Variants in MYH7B observed in about 807,000 individuals in gnomAD.
MYH7B encodes myosin heavy chain 7B, also known as myosin-7B.
Under a neutral mutation model 234.5 loss-of-function variants are expected in MYH7B, and 205 were observed. The ratio of observed to expected loss-of-function variants is 0.87; its 90% CI spans 0.78 to 0.98. The LOEUF is 0.98. MYH7B is among the 50% of genes least tolerant of loss of function. The pLI, the probability that MYH7B is intolerant of heterozygous loss-of-function variation, is 0.00. For missense variants in MYH7B, 2,652 were observed against 2,633.4 expected, an observed-to-expected ratio of 1.01 and a Z score of -0.15; for synonymous variants, 1,193 against 1,105.0, an observed-to-expected ratio of 1.08 and a Z score of -1.58.
rs372691240 is a variant in MYH7B, at chr20:34,993,183, G to A, written c.2265G>A (p.Ser755=). 888 of 1,614,000 alleles carry A rather than the reference G, an allele frequency of 5.5e-4. 1 individual carries two copies. The highest frequency in any genetic ancestry group is 7.1e-4 in the Non-Finnish European group (836 of 1,180,012). Residue 755 remains serine, a synonymous_variant, in exon 25 of 45, where the codon TCG becomes TCA. Transcript: ENST00000262873. ...AGGCCACAGAGAAACTGCTGGGCTC[G>A]CTGGACTTGGATCACACCCAGTACC... is the stretch of plus-strand genomic sequence containing the variant.
At chr20:34,994,806 C>T (rs983679035) in intron 27 of MYH7B, among the ~76,000 whole-genome samples, 5 of 152,258 alleles carry the variant, frequency 3.3e-5, no homozygotes, top group African/African-American at 4.8e-5. Context: ...TTCCTGCCTT[C>T]GGCACATGGC....
At position 34,990,724 on chromosome 20, in the gene MYH7B, T is replaced by C; in HGVS notation, c.1978-14T>C. On this transcript the variant is annotated splice_polypyrimidine_tract_variant and intron_variant, in intron 22 of 44. Transcript: ENST00000262873. Reference sequence around the variant, plus strand: ...CCCCCTTTGTGCCTTTCCCTCACTCTTCCCCACTGCCAGGAGAACCTCAAC... The same window carrying C: ...CCCCCTTTGTGCCTTTCCCTCACTCCTCCCCACTGCCAGGAGAACCTCAAC... The C allele has an allele frequency of 6.2e-7, 1 of 1,613,840 alleles. No homozygotes were observed. Among genetic ancestry groups the C allele is most frequent in the South Asian group, 1.1e-5 (1 of 91,072 alleles).
chr20:34,975,982 C>A (rs1449606171), intron 3 of MYH7B, among the ~76,000 whole-genome samples: 1 of 152,246 alleles, frequency 6.6e-6, no homozygotes, highest in East Asian at 1.9e-4. Flanking sequence ...TCCCAAAGTG[C>A]TGGGATTACA....
At chr20:35,002,421 T>G in exon 45 of MYH7B, 1 of 421,304 alleles carries the variant, frequency 2.4e-6, no homozygotes, top group Non-Finnish European at 4.1e-6. Flanking sequence ...TAAAATAAAG[T>G]TATTTAATAG....
At chr20:34,978,429 C>T (rs1421802865) in intron 5 of MYH7B, among the ~76,000 whole-genome samples, 1 of 152,158 alleles carries the variant, frequency 6.6e-6, no homozygotes, top group African/African-American at 2.4e-5. Context: ...GCTGCCTCCG[C>T]GTGTCCACAA....
intron 10 of MYH7B, 37 bp downstream of exon 10, chr20:34,982,592 T>C: frequency 1.4e-6 from 2 of 1,472,562 alleles, no homozygotes; most frequent in South Asian, 1.3e-5. Flanking sequence ...CCCCGTTGCT[T>C]CTCGCTGTTT....
At chr20:34,995,365 G>A in exon 28 of MYH7B, 14 of 1,613,726 alleles carry the variant, frequency 8.7e-6, no homozygotes, top group Non-Finnish European at 1.2e-5. Context: ...ATGCCGAGGA[G>A]CGCTGCCACT....
At chr20:34,996,543 G>GA in intron 29 of MYH7B, 21 bp downstream of exon 29, 1 of 1,605,336 alleles carries the variant, frequency 6.2e-7, no homozygotes, top group Non-Finnish European at 8.5e-7. Flanking sequence ...GCCACCCCGA[G>GA]ACTGGGTGGC....
chr20:34,979,496 G>A, exon 6 of MYH7B: 1 of 1,611,540 alleles, frequency 6.2e-7, no homozygotes. Flanking sequence ...AAGACCAGAA[G>A]GTTCCGTTCC....
chr20:34,958,315 G>T (rs1264937750), intron 2 of MYH7B, among the ~76,000 whole-genome samples, 103 bp downstream of exon 2: 16 of 152,208 alleles, frequency 1.1e-4, no homozygotes, highest in Admixed American at 1.0e-3. Context: ...GGGAGTGAAG[G>T]ACTCTTGACT....
chr20:34,991,330 G>A (rs1425759779), intron 24 of MYH7B, among the ~76,000 whole-genome samples: 1 of 152,216 alleles, frequency 6.6e-6, no homozygotes, highest in Non-Finnish European at 1.5e-5. Flanking sequence ...GGGGCAAATA[G>A]TGGAGGTGGA....
Position 34,996,474 on chromosome 20 carries a change from G to A in MYH7B, c.3072G>A (p.Val1024=), listed in dbSNP as rs768961707. 6 of 1,613,066 alleles carry A rather than the reference G, an allele frequency of 3.7e-6. No homozygotes were observed. In the South Asian group the frequency reaches 4.4e-5, roughly 12 times the overall value. The stretch of plus-strand genomic sequence containing the variant: ...ACCTGCAGGCCGAGGAGGACCGTGT[G>A]AGCGCGCTGACCAAGGCCAAGCTCC... The change falls in exon 29 of 45, where the codon GTG becomes GTA. Residue 1024 remains valine, a synonymous_variant. Transcript: ENST00000262873.
exon 25 of MYH7B, chr20:34,993,178 G>C (rs931950603): frequency 1.9e-6 from 3 of 1,613,908 alleles, no homozygotes; most frequent in East Asian, 2.2e-5. Flanking sequence ...GAAACTGCTG[G>C]GCTCGCTGGA....
exon 36 of MYH7B, chr20:34,999,405 G>C: frequency 6.6e-7 from 1 of 1,511,202 alleles, no homozygotes; most frequent in Non-Finnish European, 8.8e-7. Context: ...GAACCTGCAG[G>C]GTAGGACCTG....
intron 7 of MYH7B, 62 bp from the exon 8 acceptor site, chr20:34,980,516 A>G (rs998845772): frequency 1.4e-6 from 2 of 1,427,732 alleles, no homozygotes; most frequent in Non-Finnish European, 2.0e-6. Context: ...CCAGCCTGGG[A>G]GACAGAGCAA....
chr20:34,956,474 C>G (rs34174778), intron 1 of MYH7B, among the ~76,000 whole-genome samples: 12,910 of 152,164 alleles, frequency 0.085, 618 homozygotes, highest in South Asian at 0.13. Flanking sequence ...GGTGCCTTCC[C>G]TGTTTCTTCC....
chr20:34,999,897 C>T, exon 38 of MYH7B: 1 of 1,613,488 alleles, frequency 6.2e-7, no homozygotes, highest in Non-Finnish European at 8.5e-7. Flanking sequence ...GAGGAGTGCG[C>T]TAACCTGAGG....
intron 40 of MYH7B, 29 bp from the exon 41 acceptor site, chr20:35,000,959 G>A (rs568767431): frequency 7.4e-6 from 12 of 1,612,944 alleles, no homozygotes; most frequent in Middle Eastern, 1.7e-4. Context: ...CTGAGGCTGG[G>A]CACCTGACCA....
chr20:34,970,943 TGAACTCAA>T (rs1449684903), intron 2 of MYH7B, among the ~76,000 whole-genome samples: 1 of 152,050 alleles, frequency 6.6e-6, no homozygotes, highest in Non-Finnish European at 1.5e-5. Flanking sequence ...AGCCACAGGT[TGAACTCAA>T]GGATGCGGCA....
Sources: allele counts gnomAD v4.1 joint callset (sites outside exome capture counted in the v4.1 genomes callset), GRCh38; gene constraint gnomAD v4.1.1; transcripts MANE v1.5; gene names NCBI Gene and HGNC (gene_info 2026-07-23, HGNC 2026-07-21).